Variants in LRRTM4 observed in about 807,000 individuals in gnomAD.
LRRTM4 encodes leucine-rich repeat transmembrane neuronal protein 4.
LRRTM4 carries 25 observed loss-of-function variants against 47.6 expected under a neutral mutation model. The ratio of observed to expected loss-of-function variants is 0.53; its 90% CI spans 0.38 to 0.73. LRRTM4 has a LOEUF of 0.73. Among genes scored for constraint, LRRTM4 ranks in the 30% least tolerant of loss-of-function variants. The pLI is 0.00. For synonymous variants in LRRTM4, 311 were observed against 269.5 expected, an observed-to-expected ratio of 1.15 and a Z score of -1.51; for missense variants, 638 against 713.4, an observed-to-expected ratio of 0.89 and a Z score of 1.20.
At chr2:76,807,388 A>G (rs1360946850) in intron 3 of LRRTM4, among the ~76,000 whole-genome samples, 1 of 127,488 alleles carries the variant, frequency 7.8e-6, no homozygotes, top group Non-Finnish European at 1.5e-5. Context: ...CATTTTATAT[A>G]TATATATATA....
chr2:77,307,057 G>A (rs369650971), intron 3 of LRRTM4, among the ~76,000 whole-genome samples: 4,392 of 151,060 alleles, frequency 0.029, 219 homozygotes, highest in African/African-American at 0.1. Flanking sequence ...CCACCACCAC[G>A]CCCGGCTAAT....
chr2:77,162,848 G>T (rs1011343212), intron 3 of LRRTM4, among the ~76,000 whole-genome samples: 1 of 152,152 alleles, frequency 6.6e-6, no homozygotes, highest in Admixed American at 6.6e-5. Context: ...ACTAAAGGTA[G>T]ATTAAACCAC....
chr2:76,821,143 GAA>G (rs1274475299), intron 3 of LRRTM4, among the ~76,000 whole-genome samples: 8 of 151,378 alleles, frequency 5.3e-5, no homozygotes, highest in Non-Finnish European at 1.0e-4. Context: ...ACCAGGTTAA[GAA>G]AAAAAGAGTT....
At chr2:77,382,786 T>C (rs1673112496) in intron 3 of LRRTM4, among the ~76,000 whole-genome samples, 1 of 152,120 alleles carries the variant, frequency 6.6e-6, no homozygotes, top group African/African-American at 2.4e-5. Context: ...ATTTTTCACC[T>C]TTTTAAATTT....
chr2:76,957,054 T>C (rs1675698855), intron 3 of LRRTM4, among the ~76,000 whole-genome samples: 1 of 151,770 alleles, frequency 6.6e-6, no homozygotes, highest in Admixed American at 6.6e-5. Flanking sequence ...AAATGTGATA[T>C]ATACATACAA....
chr2:77,499,327 T>G (rs2104070496), intron 3 of LRRTM4, among the ~76,000 whole-genome samples: 1 of 151,986 alleles, frequency 6.6e-6, no homozygotes, highest in Non-Finnish European at 1.5e-5. Context: ...GTTTGTTTGG[T>G]TTTGTCCAGA....
At chr2:76,763,192 T>C (rs1025887924) in intron 3 of LRRTM4, among the ~76,000 whole-genome samples, 4 of 152,184 alleles carry the variant, frequency 2.6e-5, no homozygotes, top group Non-Finnish European at 2.9e-5. Flanking sequence ...AAAACAGTGC[T>C]CTCATACCCT....
intron 3 of LRRTM4, among the ~76,000 whole-genome samples, chr2:77,119,877 G>C (rs958868425): frequency 1.3e-5 from 2 of 151,724 alleles, no homozygotes; most frequent in Admixed American, 1.3e-4. Flanking sequence ...TGGGTTAATT[G>C]GTCTAGGATG....
chr2:76,883,984 A>AT (rs72200115), intron 3 of LRRTM4, among the ~76,000 whole-genome samples: 1,914 of 143,454 alleles, frequency 0.013, 37 homozygotes, highest in African/African-American at 0.042. Context: ...CACCCGGCTA[A>AT]TTTTTTTTTT....
chr2:77,096,883 C>T (rs1412806076), intron 3 of LRRTM4, among the ~76,000 whole-genome samples: 3 of 151,730 alleles, frequency 2.0e-5, no homozygotes, highest in African/African-American at 7.2e-5. Flanking sequence ...CAGCTATCAA[C>T]TTAAGGTAAT....
At chr2:77,350,834 A>G (rs1171584531) in intron 3 of LRRTM4, among the ~76,000 whole-genome samples, 1 of 152,222 alleles carries the variant, frequency 6.6e-6, no homozygotes, top group Non-Finnish European at 1.5e-5. Flanking sequence ...ACTCAGAAAT[A>G]TGCCATGTAT....
chr2:77,206,492 A>C (rs1674129995), intron 3 of LRRTM4, among the ~76,000 whole-genome samples: 1 of 151,132 alleles, frequency 6.6e-6, no homozygotes, highest in Non-Finnish European at 1.5e-5. Flanking sequence ...GCCTCAAAAA[A>C]GATTTTTTTT....
chr2:77,500,317 T>A (rs539265860), intron 3 of LRRTM4, among the ~76,000 whole-genome samples: 54 of 151,874 alleles, frequency 3.6e-4, no homozygotes, highest in African/African-American at 1.3e-3. Flanking sequence ...ATTTGAACAA[T>A]GGATGGTGTT....
chr2:77,430,189 A>G (rs1456140938), intron 3 of LRRTM4, among the ~76,000 whole-genome samples: 2 of 152,228 alleles, frequency 1.3e-5, no homozygotes, highest in Non-Finnish European at 2.9e-5. Context: ...GAGGTGATGC[A>G]TATGTTAATT....
chr2:76,911,913 G>A (rs537812707), intron 3 of LRRTM4, among the ~76,000 whole-genome samples: 3 of 135,744 alleles, frequency 2.2e-5, no homozygotes, highest in African/African-American at 2.8e-5. Flanking sequence ...ATTACAAAGA[G>A]TGAGTTGTGG....
At chr2:76,873,506 G>GTATATATATATA (rs58469429) in intron 3 of LRRTM4, among the ~76,000 whole-genome samples, 131 of 112,290 alleles carry the variant, frequency 1.2e-3, no homozygotes, top group Middle Eastern at 4.8e-3. Context: ...ATATATGTGT[G>GTATATATATATA]TATATATATA....
At chr2:77,003,326 A>G (rs1288762740) in intron 3 of LRRTM4, among the ~76,000 whole-genome samples, 1 of 152,056 alleles carries the variant, frequency 6.6e-6, no homozygotes, top group Non-Finnish European at 1.5e-5. Flanking sequence ...TAGAGCTTAT[A>G]ATATACTAGG....
chr2:76,909,510 A>G, intron 3 of LRRTM4, among the ~76,000 whole-genome samples: 1 of 152,034 alleles, frequency 6.6e-6, no homozygotes, highest in African/African-American at 2.4e-5. Context: ...TCATTAAACT[A>G]AAGAGCTTCT....
intron 3 of LRRTM4, among the ~76,000 whole-genome samples, chr2:77,055,456 C>T (rs894776054): frequency 6.6e-6 from 1 of 152,116 alleles, no homozygotes; most frequent in Non-Finnish European, 1.5e-5. Flanking sequence ...CCATCACTGC[C>T]CATCAGAGAA....
Sources: gnomAD v4.1 joint callset for allele counts (sites outside exome capture counted in the v4.1 genomes callset) on GRCh38, gnomAD v4.1.1 for gene constraint, MANE v1.5 for transcripts, NCBI Gene and HGNC (gene_info 2026-07-23, HGNC 2026-07-21) for gene names.